The following MEF2A variants were observed in gnomAD, a reference collection of about 807,000 sequenced individuals.
MEF2A encodes the protein myocyte enhancer factor 2A, also known as myocyte-specific enhancer factor 2A.
Under a neutral mutation model 55.8 loss-of-function variants are expected in MEF2A, and 28 were observed. The ratio of observed to expected loss-of-function variants is 0.50; its 90% CI spans 0.37 to 0.69. MEF2A has a LOEUF of 0.69. MEF2A is among the 30% of genes least tolerant of loss of function. The probability of loss-of-function intolerance (pLI) is 0.00; values close to 1 mark genes in which losing one functional copy is unlikely to be tolerated. For synonymous variants in MEF2A, 239 were observed against 227.1 expected, an observed-to-expected ratio of 1.05 and a Z score of -0.47; for missense variants, 528 against 626.2, an observed-to-expected ratio of 0.84 and a Z score of 1.67.
chr15:99,567,637 G>T (rs1960271995), intron 1 of MEF2A, among the ~76,000 whole-genome samples: 1 of 143,256 alleles, frequency 7.0e-6, no homozygotes, highest in Non-Finnish European at 1.6e-5. Flanking sequence ...CTGTGTGTGT[G>T]TGTGTGTGTG....
At chr15:99,572,483 T>C (rs1308042399) in intron 1 of MEF2A, among the ~76,000 whole-genome samples, 2 of 152,064 alleles carry the variant, frequency 1.3e-5, no homozygotes, top group Admixed American at 1.3e-4. Flanking sequence ...AGTTATTGCT[T>C]ATTTATGGTA....
intron 8 of MEF2A, among the ~76,000 whole-genome samples, chr15:99,696,578 T>G (rs942482706): frequency 1.3e-5 from 2 of 151,852 alleles, no homozygotes; most frequent in African/African-American, 4.8e-5. Flanking sequence ...GCATCAAAAT[T>G]TTGAGGCCCA....
chr15:99,708,286 G>A (rs943858784), intron 10 of MEF2A, among the ~76,000 whole-genome samples: 2 of 152,168 alleles, frequency 1.3e-5, no homozygotes, highest in African/African-American at 4.8e-5. Context: ...GAGAAGGGAG[G>A]GCAAAGCTAT....
At chr15:99,592,537 A>G (rs1423167985) in intron 1 of MEF2A, among the ~76,000 whole-genome samples, 4 of 152,198 alleles carry the variant, frequency 2.6e-5, no homozygotes, top group African/African-American at 9.7e-5. Context: ...GATAATTTAT[A>G]AAGAAAAGAG....
At chr15:99,635,660 C>G (rs1176016797) in intron 3 of MEF2A, among the ~76,000 whole-genome samples, 2 of 152,030 alleles carry the variant, frequency 1.3e-5, no homozygotes, top group Non-Finnish European at 2.9e-5. Context: ...TTAATTACAC[C>G]TGTTGTTGAG....
intron 1 of MEF2A, among the ~76,000 whole-genome samples, chr15:99,576,811 T>C (rs1964439841): frequency 6.6e-6 from 1 of 152,020 alleles, no homozygotes; most frequent in Non-Finnish European, 1.5e-5. Context: ...CGGCTAATTT[T>C]TTTTCTTTGT....
At chr15:99,667,615 TGCCTTTGTAAATTCAAA>T (rs1451031389) in intron 4 of MEF2A, among the ~76,000 whole-genome samples, 2 of 152,188 alleles carry the variant, frequency 1.3e-5, no homozygotes, top group African/African-American at 2.4e-5. Context: ...AAAAAAATGT[TGCCTTTGTAAATTCAAA>T]GATCAGACAA....
At chr15:99,687,017 TG>T (rs1027885833) in intron 7 of MEF2A, among the ~76,000 whole-genome samples, 33 of 150,748 alleles carry the variant, frequency 2.2e-4, no homozygotes, top group African/African-American at 7.3e-4. Context: ...CTCTGCCTCC[TG>T]GGCTCACCTC....
At chr15:99,683,711 TAAAAAAAA>T (rs11299840) in intron 7 of MEF2A, among the ~76,000 whole-genome samples, 3 of 139,440 alleles carry the variant, frequency 2.2e-5, no homozygotes, top group Non-Finnish European at 3.1e-5. Flanking sequence ...GGCCTTTTAT[TAAAAAAAA>T]AAAAAAAAAA....
At chr15:99,623,038 A>G (rs1367989437) in intron 2 of MEF2A, among the ~76,000 whole-genome samples, 1 of 152,120 alleles carries the variant, frequency 6.6e-6, no homozygotes, top group Admixed American at 6.5e-5. Flanking sequence ...CTCTGTACTC[A>G]TTACACAGTG....
At chr15:99,574,733 C>T (rs1032042145) in intron 1 of MEF2A, among the ~76,000 whole-genome samples, 4 of 152,154 alleles carry the variant, frequency 2.6e-5, no homozygotes, top group African/African-American at 9.7e-5. Flanking sequence ...ACTGGCATGC[C>T]GCTCATCTCT....
intron 2 of MEF2A, among the ~76,000 whole-genome samples, chr15:99,628,963 ATTTTTTTT>A (rs71149483): frequency 9.0e-5 from 12 of 133,780 alleles, no homozygotes; most frequent in Admixed American, 2.2e-4. Context: ...TTTCAGAAGG[ATTTTTTTT>A]TTTTTTTTTG....
At chr15:99,672,770 A>G (rs1346393023) in intron 5 of MEF2A, among the ~76,000 whole-genome samples, 1 of 152,192 alleles carries the variant, frequency 6.6e-6, no homozygotes, top group Non-Finnish European at 1.5e-5. Context: ...AAATTTATTA[A>G]TGTTTCATAC....
intron 7 of MEF2A, among the ~76,000 whole-genome samples, chr15:99,677,578 A>C (rs995297469): frequency 2.0e-5 from 3 of 152,168 alleles, no homozygotes; most frequent in Non-Finnish European, 4.4e-5. Flanking sequence ...CAGAGCATGC[A>C]ATAAAAAGGA....
At chr15:99,693,505 A>G (rs1435128584) in intron 8 of MEF2A, among the ~76,000 whole-genome samples, 1 of 152,220 alleles carries the variant, frequency 6.6e-6, no homozygotes, top group Non-Finnish European at 1.5e-5. Context: ...GAAAAATCTT[A>G]GAGATACATT....
intron 3 of MEF2A, among the ~76,000 whole-genome samples, chr15:99,634,199 T>A (rs2043383573): frequency 6.6e-6 from 1 of 152,144 alleles, no homozygotes; most frequent in Non-Finnish European, 1.5e-5. Flanking sequence ...ATAGATATAA[T>A]TGGAGATAAA....
At chr15:99,624,162 C>T (rs1222587720) in intron 2 of MEF2A, among the ~76,000 whole-genome samples, 3 of 151,990 alleles carry the variant, frequency 2.0e-5, no homozygotes, top group East Asian at 3.9e-4. Context: ...TTGATAGTGC[C>T]GTTTGATGCA....
intron 2 of MEF2A, among the ~76,000 whole-genome samples, chr15:99,599,823 C>T (rs866646650): frequency 6.6e-6 from 1 of 151,958 alleles, no homozygotes; most frequent in Non-Finnish European, 1.5e-5. Flanking sequence ...TGTGGATCAA[C>T]CAACTGTGGA....
At position 99,573,332 on chromosome 15, in the gene MEF2A, A is replaced by C. The variant is rs150204482; in HGVS notation, c.-225+7228A>C. Among the ~76,000 whole-genome samples the C allele has an allele frequency of 2.9e-3, 448 of 152,190 alleles. 4 individuals carry two copies. Among genetic ancestry groups the C allele is most frequent in the African/African-American group, 0.01 (419 of 41,526 alleles). On this transcript the variant is annotated intron_variant, in intron 1 of 11. Transcript: ENST00000557942. ...AGAAGTTGTCCTAATCAACGGAAAT[A>C]ACCAACCACAGACCAGTTTTCCCAA...
Sources: allele counts gnomAD v4.1 joint callset (sites outside exome capture counted in the v4.1 genomes callset), GRCh38; gene constraint gnomAD v4.1.1; transcripts MANE v1.5; gene names NCBI Gene and HGNC (gene_info 2026-07-23, HGNC 2026-07-21).